Variants in UBE2O observed in about 807,000 individuals in gnomAD.
UBE2O encodes the protein ubiquitin conjugating enzyme E2 O, also known as (E3-independent) E2 ubiquitin-conjugating enzyme.
Under a neutral mutation model 125.8 loss-of-function variants are expected in UBE2O, and 15 were observed. The ratio of observed to expected loss-of-function variants is 0.12; its 90% CI spans 0.08 to 0.18. The LOEUF is 0.18. Ranked by LOEUF, UBE2O falls within the 10% of genes least tolerant of loss-of-function variation. UBE2O has a pLI of 1.00. For missense variants in UBE2O, 1,280 were observed against 1,723.6 expected (o/e 0.74, Z 4.56); for synonymous variants, 708 against 703.2 (o/e 1.01, Z -0.11).
chr17:76,391,362 T>C lies in UBE2O; in HGVS notation c.3460A>G (p.Lys1154Glu). 3.1e-6 allele frequency: 5 copies of C among 1,613,196 alleles called. No individual in the cohort carries two copies. The highest frequency in any genetic ancestry group is 4.2e-6 in the Non-Finnish European group (5 of 1,180,006). ...ACCCCGTTGGGCAGTGCCTGGGCCT[T>C]CTCCAGCAGGGCATGGGTTTCCAGC... Reference protein sequence around the residue: ...SWLETHALLEKAQALPNGVPK... With the variant: ...SWLETHALLEEAQALPNGVPK... The change falls in exon 18 of 18, where the codon AAG becomes GAG. Residue 1154 changes from lysine (K) to glutamate (E), a missense_variant. By Grantham distance (56) the Lys-to-Glu change is moderately conservative. This residue lies in a region of UBE2O where 233 missense variants were observed against 279.0 expected (regional missense o/e 0.84). Transcript: ENST00000319380. This position sits in a 1 kb window ranked among gnomAD's most constrained non-coding sequence, Gnocchi z 8.4.
chr17:76,391,157 G>T lies in UBE2O; in HGVS notation c.3665C>A (p.Thr1222Asn). 3.7e-6 allele frequency: 6 copies of T among 1,613,646 alleles called. No individual in the cohort carries two copies. Among genetic ancestry groups the T allele is most frequent in the Admixed American group, 1.7e-5 (1 of 59,972 alleles). The change falls in exon 18 of 18, where the codon ACC (threonine) becomes AAC (asparagine). Residue 1222 changes from threonine to asparagine, a missense_variant. Thr to Asn is a moderately conservative substitution (Grantham distance 65). Around this residue, in one of 10 missense-constraint regions of UBE2O, gnomAD observed 233 missense variants for 279.0 expected, o/e 0.84. Transcript: ENST00000319380. The surrounding 1 kb of genome is among the most constrained non-coding windows in gnomAD (Gnocchi z 8.4). The part of the protein sequence containing the change: ...SRDHTDQTSE[T>N]APDASVPPSV... ...GGGTGGCACCGATGCGTCTGGTGCGGTCTCCGAAGTCTGGTCTGTGTGGTC... is the reference window on the plus strand; with the variant it reads ...GGGTGGCACCGATGCGTCTGGTGCGTTCTCCGAAGTCTGGTCTGTGTGGTC...
chr17:76,406,703 T>TG (rs2072427759), intron 1 of UBE2O, among the ~76,000 whole-genome samples: 1 of 134,808 alleles, frequency 7.4e-6, no homozygotes. Flanking sequence ...TTTTTTTTTT[T>TG]TTTTTTTTTT....
At chr17:76,413,904 C>A (rs2072556832) in intron 1 of UBE2O, among the ~76,000 whole-genome samples, 1 of 152,218 alleles carries the variant, frequency 6.6e-6, no homozygotes, top group South Asian at 2.1e-4. Flanking sequence ...AATGGGGCCT[C>A]CTGTTGGAGC....
chr17:76,407,416 A>T (rs1393090507), intron 1 of UBE2O, among the ~76,000 whole-genome samples: 2 of 152,014 alleles, frequency 1.3e-5, no homozygotes, highest in Non-Finnish European at 2.9e-5. Context: ...GCCCCACCCT[A>T]TCTTAATCCC....
chr17:76,409,986 C>T (rs893376951), intron 1 of UBE2O, among the ~76,000 whole-genome samples: 3 of 152,120 alleles, frequency 2.0e-5, no homozygotes, highest in African/African-American at 7.2e-5. Flanking sequence ...AAGGCCCCTC[C>T]GAGGTGATGC....
rs762229952 is a variant in UBE2O, at chr17:76,405,741, C to CA, written c.418-170dup. Among the ~76,000 whole-genome samples, 9 of 152,190 alleles carry CA rather than the reference C, an allele frequency of 5.9e-5. No homozygotes were observed. Among genetic ancestry groups the CA allele is most frequent in the Non-Finnish European group, 1.3e-4 (9 of 68,032 alleles). On this transcript the variant is annotated intron_variant, in intron 1 of 17. Transcript: ENST00000319380. The surrounding 1 kb of genome is among the most constrained non-coding windows in gnomAD (Gnocchi z 6.1). The stretch of plus-strand genomic sequence containing the variant: ...ACCGCACACACCTCCGACCAGCACC[C>CA]AGACCCACAGGCAGAGCGCGTCACG...
intron 15 of UBE2O, among the ~76,000 whole-genome samples, chr17:76,393,524 C>T (rs1014659907): frequency 6.6e-5 from 10 of 152,074 alleles, no homozygotes; most frequent in African/African-American, 1.2e-4. Flanking sequence ...TGAGCCACCA[C>T]GCCCGGCCAA....
chr17:76,421,837 C>T (rs1371983948), intron 1 of UBE2O, among the ~76,000 whole-genome samples: 2 of 152,168 alleles, frequency 1.3e-5, no homozygotes, highest in Non-Finnish European at 1.5e-5. Context: ...GGCTCTATTT[C>T]CCTCAGTCAC....
rs192886965 is a variant in UBE2O at position 76,407,676 on chromosome 17, C to T, written c.418-2104G>A. On this transcript the variant is annotated intron_variant, in intron 1 of 17. Coordinates refer to ENST00000319380, the MANE Select transcript of UBE2O (RefSeq NM_022066.4). Reference sequence around the variant, plus strand: ...GCACCCTTGGGAGTGCAGGGGAAACCGAGGTGTCAACTCTGAGGCTGAAGC... The same window carrying T: ...GCACCCTTGGGAGTGCAGGGGAAACTGAGGTGTCAACTCTGAGGCTGAAGC... Among the ~76,000 whole-genome samples the T allele has an allele frequency of 9.8e-5, 15 of 152,320 alleles. 2 individuals carry two copies. In the East Asian group the frequency reaches 2.1e-3, roughly 22 times the overall value.
rs2072253880 is a variant in UBE2O, at chr17:76,398,336, G to A, written c.1944C>T (p.His648=). The A allele has an allele frequency of 6.2e-7, 1 of 1,614,182 alleles. No homozygotes were observed. The highest frequency in any genetic ancestry group is 1.7e-5 in the Admixed American group (1 of 60,024). Residue 648 remains histidine (H), a synonymous_variant, in exon 12 of 18, where the codon CAC becomes CAT. Transcript: ENST00000319380. This position sits in a 1 kb window ranked among gnomAD's most constrained non-coding sequence, Gnocchi z 5.4. ...EDVSVYDIAD[H]PDFRFRTTDI... ...CAGTTGTACGGAACCTAAAGTCAGG[G>A]TGGTCAGCAATGTCGTAAACACTCA...
intron 1 of UBE2O, among the ~76,000 whole-genome samples, chr17:76,435,509 G>A (rs146884134): frequency 6.8e-4 from 103 of 150,486 alleles, no homozygotes; most frequent in African/African-American, 2.2e-3. Flanking sequence ...AAGCTAATTC[G>A]CAATATTCCC....
chr17:76,418,204 G>T (rs404014), intron 1 of UBE2O, among the ~76,000 whole-genome samples: 146,660 of 152,272 alleles, frequency 0.96, 70,913 homozygotes, highest in Middle Eastern at 1. Flanking sequence ...TTCTGACAAT[G>T]TTTTCTATAC....
At chr17:76,436,287 C>T (rs938700360) in intron 1 of UBE2O, among the ~76,000 whole-genome samples, 1 of 152,040 alleles carries the variant, frequency 6.6e-6, no homozygotes, top group African/African-American at 2.4e-5. Context: ...AAATAAAAGA[C>T]TAGAACAGCC....
chr17:76,414,648 G>T lies in UBE2O; in HGVS notation c.418-9076C>A, dbSNP rs948920632. Reference sequence around the variant, plus strand: ...TCGGCTGCAGCTCGCCAGCTTGCTGGAATGGCCTGGAGGCACAGCCTGCCC... The same window carrying T: ...TCGGCTGCAGCTCGCCAGCTTGCTGTAATGGCCTGGAGGCACAGCCTGCCC... On this transcript the variant is annotated intron_variant, in intron 1 of 17. Coordinates refer to ENST00000319380, the MANE Select transcript of UBE2O (RefSeq NM_022066.4). Among the ~76,000 whole-genome samples the T allele has an allele frequency of 3.4e-4, 52 of 152,376 alleles. 1 individual carries two copies. The highest frequency in any genetic ancestry group is 3.1e-3 in the Admixed American group (47 of 15,306).
At chr17:76,433,892 C>T (rs1044970289) in intron 1 of UBE2O, among the ~76,000 whole-genome samples, 3 of 152,130 alleles carry the variant, frequency 2.0e-5, no homozygotes, top group Non-Finnish European at 2.9e-5. Flanking sequence ...ATTAGCCAGG[C>T]GTGGCGGTGC....
intron 1 of UBE2O, among the ~76,000 whole-genome samples, chr17:76,443,054 T>C (rs1406530244): frequency 6.6e-6 from 1 of 152,114 alleles, no homozygotes; most frequent in East Asian, 1.9e-4. Context: ...TGAAGTGCTA[T>C]CATGTCTGCC....
rs148804872 is a variant in UBE2O, at chr17:76,444,082, G to A, written c.417+8643C>T. On this transcript the variant is annotated intron_variant, in intron 1 of 17. Transcript: ENST00000319380. ...CTAAAAAGACAAATATTACTCGGAC[G>A]TGGTGGCGGGAGCCTGTAATCCCAG... Among the ~76,000 whole-genome samples, 1,240 of 152,166 alleles carry A rather than the reference G, an allele frequency of 8.1e-3. 20 individuals carry two copies. Among genetic ancestry groups the A allele is most frequent in the African/African-American group, 0.029 (1,194 of 41,500 alleles).
At chr17:76,446,730 A>C (rs1393442710) in intron 1 of UBE2O, among the ~76,000 whole-genome samples, 1 of 152,180 alleles carries the variant, frequency 6.6e-6, no homozygotes, top group Non-Finnish European at 1.5e-5. Context: ...ACCACTTCTG[A>C]GGCAACACAG....
rs2072385534 is a variant in UBE2O at position 76,404,656 on chromosome 17, G to A, written c.588+550C>T. On this transcript the variant is annotated intron_variant, in intron 3 of 17. Transcript: ENST00000319380. This position sits in a 1 kb window ranked among gnomAD's most constrained non-coding sequence, Gnocchi z 4.3. ...TGGGGGTTATATGGTGGTTGCACAG[G>A]AGGCTGTCCTCATTTTTGGAAAACA... Among the ~76,000 whole-genome samples, 1 of 152,192 alleles carries A rather than the reference G, an allele frequency of 6.6e-6. No individual in the cohort carries two copies. Among genetic ancestry groups the A allele is most frequent in the African/African-American group, 2.4e-5 (1 of 41,434 alleles).
Sources: gnomAD v4.1 joint callset for allele counts (sites outside exome capture counted in the v4.1 genomes callset) on GRCh38, gnomAD v4.1.1 for gene constraint, gnomAD v4.1.1 regional missense constraint, Gnocchi (gnomAD v3.1) non-coding constraint, MANE v1.5 for transcripts, NCBI Gene and HGNC (gene_info 2026-07-23, HGNC 2026-07-21) for gene names.